CLVS1: variants seen among roughly 807,000 people sequenced by gnomAD.
CLVS1 encodes clavesin-1.
Under a neutral mutation model 33.1 loss-of-function variants are expected in CLVS1, and 10 were observed. The observed-to-expected ratio is 0.30, with a 90% CI of 0.19 to 0.51. The LOEUF (loss-of-function observed/expected upper bound fraction) is 0.51. CLVS1 is among the 20% of genes least tolerant of loss of function. The pLI is 0.97. For missense variants in CLVS1, 343 were observed against 433.4 expected, an observed-to-expected ratio of 0.79 and a Z score of 1.85; for synonymous variants, 163 against 166.1, an observed-to-expected ratio of 0.98 and a Z score of 0.14.
the CLVS1 span, among the ~76,000 whole-genome samples, chr8:61,011,537 C>T: frequency 6.6e-5 from 10 of 152,246 alleles, no homozygotes; most frequent in African/African-American, 2.4e-4. Context: ...CAACATCCAC[C>T]TCTTGGGTTC....
intron 2 of CLVS1, among the ~76,000 whole-genome samples, chr8:61,157,655 T>A (rs189897067): frequency 2.1e-4 from 32 of 151,484 alleles, no homozygotes; most frequent in African/African-American, 6.5e-4. Context: ...CACATATATA[T>A]GACAAATGGC....
At chr8:61,069,087 C>T (rs1198194351) in intron 1 of CLVS1, among the ~76,000 whole-genome samples, 1 of 152,174 alleles carries the variant, frequency 6.6e-6, no homozygotes. Flanking sequence ...CTGCCTCAGC[C>T]TCCCAAGTAG....
At chr8:61,038,080 A>G in the CLVS1 span, among the ~76,000 whole-genome samples, 1 of 152,152 alleles carries the variant, frequency 6.6e-6, no homozygotes, top group African/African-American at 2.4e-5. Flanking sequence ...CACTCTGTAG[A>G]TCAGTTCTGA....
chr8:61,101,715 A>G (rs1254004982), intron 1 of CLVS1, among the ~76,000 whole-genome samples: 2 of 152,040 alleles, frequency 1.3e-5, no homozygotes, highest in African/African-American at 4.8e-5. Flanking sequence ...CCTTAGGTTT[A>G]TCTACAAGTT....
At chr8:61,251,030 A>T (rs1047322892) in intron 2 of CLVS1, among the ~76,000 whole-genome samples, 4 of 152,230 alleles carry the variant, frequency 2.6e-5, no homozygotes, top group Non-Finnish European at 5.9e-5. Context: ...TTGCCCATTC[A>T]GTATGATATT....
At chr8:61,059,471 C>CATATATATATATATAT (rs1292747857) in intron 1 of CLVS1, among the ~76,000 whole-genome samples, 361 of 22,798 alleles carry the variant, frequency 0.016, 2 homozygotes, top group South Asian at 0.07. Context: ...TACATACATA[C>CATATATATATATATAT]ATACATATAT....
chr8:61,068,199 GTATA>G (rs377090795), intron 1 of CLVS1, among the ~76,000 whole-genome samples: 5 of 97,856 alleles, frequency 5.1e-5, no homozygotes, highest in African/African-American at 9.3e-5. Flanking sequence ...ATGTGTATAT[GTATA>G]TATATATATA....
At chr8:61,067,402 TTA>T (rs2129279336) in intron 1 of CLVS1, among the ~76,000 whole-genome samples, 1 of 149,198 alleles carries the variant, frequency 6.7e-6, no homozygotes, top group South Asian at 2.1e-4. Context: ...TATTATATAA[TTA>T]TATATGTGAG....
At position 61,138,912 on chromosome 8, in the gene CLVS1, T is replaced by C. The variant is rs573677016; in HGVS notation, c.-152+7052T>C. On this transcript the variant is annotated intron_variant, in intron 2 of 2. Coordinates refer to the CLVS1 transcript ENST00000522621. Reference sequence around the variant, plus strand: ...CTTTCCCGATTGTAAATACAATATCTCTGCCTCACACACATCTTTGTTCCA... The same window carrying C: ...CTTTCCCGATTGTAAATACAATATCCCTGCCTCACACACATCTTTGTTCCA... 2.6e-5 allele frequency among the ~76,000 whole-genome samples: 4 copies of C among 152,372 alleles called. No individual in the cohort carries two copies. The South Asian group carries it at 8.3e-4, about 32-fold the overall frequency.
intron 3 of CLVS1, among the ~76,000 whole-genome samples, chr8:61,380,169 A>G (rs1407499792): frequency 6.6e-6 from 1 of 152,172 alleles, no homozygotes; most frequent in Non-Finnish European, 1.5e-5. Context: ...GATTCTAGGT[A>G]CTATAGAAGT....
intron 2 of CLVS1, among the ~76,000 whole-genome samples, chr8:61,263,070 A>G (rs1809238982): frequency 6.6e-6 from 1 of 152,174 alleles, no homozygotes; most frequent in East Asian, 1.9e-4. Flanking sequence ...AGGAGCCAGA[A>G]AGAGTCACCT....
intron 3 of CLVS1, among the ~76,000 whole-genome samples, chr8:61,452,594 A>G (rs1435597572): frequency 6.6e-6 from 1 of 152,236 alleles, no homozygotes; most frequent in Non-Finnish European, 1.5e-5. Flanking sequence ...TACCTGGAGG[A>G]AAAAAGATAA....
intron 2 of CLVS1, among the ~76,000 whole-genome samples, chr8:61,351,091 T>C (rs1374020185): frequency 2.6e-5 from 4 of 152,092 alleles, no homozygotes; most frequent in African/African-American, 4.8e-5. Context: ...AGGTATGGAT[T>C]TTTTTCTCCA....
At chr8:61,299,555 C>T (rs1177965566) in intron 1 of CLVS1, 122 bp from the exon 2 acceptor site, 4 of 372,794 alleles carry the variant, frequency 1.1e-5, no homozygotes, top group African/African-American at 6.2e-5. Flanking sequence ...GTTCTTTGGA[C>T]ACCTAATCTA....
intron 2 of CLVS1, among the ~76,000 whole-genome samples, chr8:61,253,626 A>T (rs1809000982): frequency 6.6e-6 from 1 of 151,962 alleles, no homozygotes; most frequent in East Asian, 1.9e-4. Context: ...ATTTCTTTTT[A>T]TTATTTTTTC....
At chr8:61,086,922 G>C (rs1563396961) in intron 1 of CLVS1, among the ~76,000 whole-genome samples, 2 of 152,172 alleles carry the variant, frequency 1.3e-5, no homozygotes, top group Non-Finnish European at 2.9e-5. Context: ...TCATAAATGA[G>C]GTCAAAAGTT....
intron 2 of CLVS1, among the ~76,000 whole-genome samples, chr8:61,254,766 G>A (rs752048180): frequency 6.6e-6 from 1 of 152,174 alleles, no homozygotes; most frequent in Non-Finnish European, 1.5e-5. Flanking sequence ...AAGACCACTG[G>A]AAAAGTGCAG....
intron 3 of CLVS1, among the ~76,000 whole-genome samples, chr8:61,411,561 C>T (rs1040239202): frequency 2.6e-5 from 4 of 152,166 alleles, no homozygotes; most frequent in Admixed American, 6.5e-5. Context: ...GGCAGCAGCT[C>T]TCCAGGACTA....
At chr8:60,993,910 C>T in the CLVS1 span, among the ~76,000 whole-genome samples, 1 of 152,272 alleles carries the variant, frequency 6.6e-6, no homozygotes, top group East Asian at 1.9e-4. Flanking sequence ...TTTATTCTTT[C>T]TCTGGCCCCT....
Sources: gnomAD v4.1 joint callset for allele counts (sites outside exome capture counted in the v4.1 genomes callset) on GRCh38, gnomAD v4.1.1 for gene constraint, MANE v1.5 for transcripts, NCBI Gene and HGNC (gene_info 2026-07-23, HGNC 2026-07-21) for gene names.